TBCD: variants seen among roughly 807,000 people sequenced by gnomAD.
TBCD encodes tubulin folding cofactor D, also known as tubulin-specific chaperone D.
Under a neutral mutation model 169.3 loss-of-function variants are expected in TBCD, and 105 were observed. The ratio of observed to expected loss-of-function variants is 0.62; its 90% CI spans 0.53 to 0.73. The LOEUF is 0.73. Ranked by LOEUF, TBCD falls within the 30% of genes least tolerant of loss-of-function variation. The pLI is 0.00. For missense variants in TBCD, 1,444 were observed against 1,600.1 expected, an observed-to-expected ratio of 0.90 and a Z score of 1.66; for synonymous variants, 700 against 643.9, an observed-to-expected ratio of 1.09 and a Z score of -1.32.
intron 12 of TBCD, among the ~76,000 whole-genome samples, chr17:82,811,634 C>T (rs909793822): frequency 1.1e-4 from 17 of 152,234 alleles, no homozygotes; most frequent in African/African-American, 4.1e-4. Context: ...GATTGTCAAC[C>T]GTGGCATAAA....
intron 6 of TBCD, among the ~76,000 whole-genome samples, chr17:82,775,300 A>C (rs1018907671): frequency 6.6e-6 from 1 of 152,162 alleles, no homozygotes; most frequent in African/African-American, 2.4e-5. Flanking sequence ...TCGCACACTG[A>C]TTCTCAAGAG....
At chr17:82,860,628 G>C (rs1470100478) in intron 13 of TBCD, among the ~76,000 whole-genome samples, 1 of 152,230 alleles carries the variant, frequency 6.6e-6, no homozygotes, top group Non-Finnish European at 1.5e-5. Context: ...AGACGCCACT[G>C]GCTTTGATGG....
chr17:82,860,763 C>T (rs924110955), intron 13 of TBCD, among the ~76,000 whole-genome samples: 3 of 152,186 alleles, frequency 2.0e-5, no homozygotes, highest in Admixed American at 6.5e-5. Context: ...CTTGTTTCAT[C>T]GCCCGTGTCC....
At chr17:82,928,398 C>T in intron 30 of TBCD, among the ~76,000 whole-genome samples, 1 of 152,236 alleles carries the variant, frequency 6.6e-6, no homozygotes, top group East Asian at 1.9e-4. Flanking sequence ...CCTGAGGCTG[C>T]CATTGGGGCC....
chr17:82,779,081 G>A (rs760132486), intron 6 of TBCD, among the ~76,000 whole-genome samples: 21 of 150,088 alleles, frequency 1.4e-4, no homozygotes, highest in Non-Finnish European at 1.5e-4. Context: ...GTGAGATCTC[G>A]GCTCACTGCA....
intron 19 of TBCD, 30 bp from the exon 20 acceptor site, chr17:82,905,906 C>T (rs530618708): frequency 1.9e-6 from 3 of 1,566,744 alleles, no homozygotes; most frequent in Admixed American, 1.8e-5. Context: ...TACACACCCT[C>T]ACCTGCCCTC....
intron 6 of TBCD, among the ~76,000 whole-genome samples, chr17:82,776,982 C>A (rs1271452260): frequency 6.6e-6 from 1 of 152,136 alleles, no homozygotes; most frequent in Admixed American, 6.5e-5. Context: ...CTCCTTGGGG[C>A]CTTTTCTTCC....
At chr17:82,812,726 A>G (rs1247775430) in intron 12 of TBCD, among the ~76,000 whole-genome samples, 1 of 152,172 alleles carries the variant, frequency 6.6e-6, no homozygotes, top group Non-Finnish European at 1.5e-5. Context: ...TGTATTTAGT[A>G]GAGACGGGGT....
intron 17 of TBCD, among the ~76,000 whole-genome samples, chr17:82,898,172 C>T (rs947705310): frequency 1.3e-5 from 2 of 149,068 alleles, no homozygotes; most frequent in Non-Finnish European, 3.0e-5. Context: ...TTGGTGGGAG[C>T]ACACGGCACG....
At chr17:82,778,818 C>G (rs1017572688) in intron 6 of TBCD, among the ~76,000 whole-genome samples, 1 of 151,286 alleles carries the variant, frequency 6.6e-6, no homozygotes, top group Non-Finnish European at 1.5e-5. Context: ...TGCGCCAGCA[C>G]CCCTGGCTAA....
In TBCD at chr17:82,927,243, G is replaced by A; in HGVS notation, c.2529G>A (p.Glu843=). ...AGAPDEAVCG[E]NVSQIYCALL... is the part of the protein sequence containing the mutation. Reference sequence around the variant, plus strand: ...CCCCAGACGAAGCTGTGTGCGGAGAGAATGTTTCCCAGATTTACTGTGCGC... The same window carrying A: ...CCCCAGACGAAGCTGTGTGCGGAGAAAATGTTTCCCAGATTTACTGTGCGC... Residue 843 remains glutamate (E), a synonymous_variant, in exon 29 of 39, where the codon GAG becomes GAA. Transcript: ENST00000355528. The A allele has an allele frequency of 6.2e-7, 1 of 1,613,936 alleles. No homozygotes were observed. Among genetic ancestry groups the A allele is most frequent in the South Asian group, 1.1e-5 (1 of 91,074 alleles).
intron 4 of TBCD, among the ~76,000 whole-genome samples, chr17:82,767,953 CAA>C (rs1197656847): frequency 1.2e-4 from 16 of 131,804 alleles, no homozygotes; most frequent in East Asian, 2.4e-4. Flanking sequence ...GACTCCATCT[CAA>C]AAAAAAAAAA....
chr17:82,762,417 G>A (rs1224537470), intron 2 of TBCD, among the ~76,000 whole-genome samples: 1 of 152,046 alleles, frequency 6.6e-6, no homozygotes, highest in Non-Finnish European at 1.5e-5. Flanking sequence ...ACGCATGTGT[G>A]GAATTGCTGA....
intron 13 of TBCD, among the ~76,000 whole-genome samples, chr17:82,852,742 T>C (rs1296702006): frequency 6.6e-6 from 1 of 152,238 alleles, no homozygotes; most frequent in East Asian, 1.9e-4. Flanking sequence ...ACGACGTACA[T>C]GGAGGCCGCA....
In TBCD at chr17:82,797,962, C is replaced by CTTTTTTT. The variant is rs60671571; in HGVS notation, c.817+186_817+192dup. Among the ~76,000 whole-genome samples the CTTTTTTT allele has an allele frequency of 1.6e-3, 80 of 49,040 alleles. 13 individuals carry two copies. Among genetic ancestry groups the CTTTTTTT allele is most frequent in the South Asian group, 4.9e-3 (4 of 810 alleles). 32.2% of individuals were successfully genotyped at this position (49,040 alleles called of 152,430 possible). ...TTTGTTGTGGGTTTTAGTAACTGAA[C>CTTTTTTT]TTTTTTTTTTTTTTTTTTTTTTTTT... On this transcript the variant is annotated intron_variant, in intron 8 of 38. Coordinates refer to ENST00000355528, the MANE Select transcript of TBCD (RefSeq NM_005993.5).
chr17:82,942,144 T>C, intron 38 of TBCD: 2 of 525,500 alleles, frequency 3.8e-6, no homozygotes, highest in Non-Finnish European at 6.7e-6. Context: ...CAGCAGACTT[T>C]GGAATTAAAT....
chr17:82,944,296 T>A lies in TBCD; in HGVS notation c.*1833T>A, dbSNP rs1358223175. On this transcript the variant is annotated 3_prime_UTR_variant, in exon 39 of 39. Transcript: ENST00000355528. The stretch of plus-strand genomic sequence containing the variant: ...TTTCCCACTGGATCCCATCCATCAC[T>A]GGGGCACTTGTGCTCACCAGACACC... The A allele has an allele frequency of 2.0e-5, 3 of 152,180 alleles. No individual in the cohort carries two copies. Among genetic ancestry groups the A allele is most frequent in the Admixed American group, 1.3e-4 (2 of 15,274 alleles). The allele number at this position is 152,180 out of a possible 1,614,324, so 9.4% of individuals were successfully genotyped here.
chr17:82,929,648 C>G (rs1171837584), intron 32 of TBCD, 148 bp downstream of exon 32: 2 of 1,100,858 alleles, frequency 1.8e-6, no homozygotes, highest in African/African-American at 1.6e-5. Context: ...GGTCAGGGGC[C>G]CAGTGTCTTC....
intron 13 of TBCD, among the ~76,000 whole-genome samples, chr17:82,847,090 G>A (rs1420703217): frequency 6.6e-6 from 1 of 152,130 alleles, no homozygotes; most frequent in Non-Finnish European, 1.5e-5. Context: ...GGTGGCTCAC[G>A]CCTGTAATCC....
Sources: gnomAD v4.1 joint callset for allele counts (sites outside exome capture counted in the v4.1 genomes callset) on GRCh38, gnomAD v4.1.1 for gene constraint, MANE v1.5 for transcripts, NCBI Gene and HGNC (gene_info 2026-07-23, HGNC 2026-07-21) for gene names.